The following ROBO2 variants were observed in gnomAD, a reference collection of about 807,000 sequenced individuals.
ROBO2 encodes the protein roundabout guidance receptor 2.
ROBO2 carries 53 observed loss-of-function variants against 160.8 expected under a neutral mutation model. The observed-to-expected ratio is 0.33, with a 90% CI of 0.26 to 0.41. The LOEUF (loss-of-function observed/expected upper bound fraction) is 0.41. ROBO2 is among the 10% of genes least tolerant of loss of function. The pLI, the probability that ROBO2 is intolerant of heterozygous loss-of-function variation, is 1.00. For missense variants in ROBO2, 1,577 were observed against 1,722.4 expected, an observed-to-expected ratio of 0.92 and a Z score of 1.49; for synonymous variants, 664 against 611.7, an observed-to-expected ratio of 1.09 and a Z score of -1.26.
chr3:77,016,724 C>T (rs574393789), intron 2 of ROBO2, among the ~76,000 whole-genome samples: 53 of 152,204 alleles, frequency 3.5e-4, no homozygotes, highest in Admixed American at 3.3e-3. Flanking sequence ...GAGCTTTGCC[C>T]GAGGCCACAC....
intron 24 of ROBO2, 49 bp from the exon 27 acceptor site, chr3:77,644,655 C>T (rs1238161830): frequency 6.5e-7 from 1 of 1,540,638 alleles, no homozygotes; most frequent in East Asian, 2.2e-5. Flanking sequence ...GTTTAGTTTG[C>T]CTCCATGTTT....
At chr3:76,784,838 C>T (rs2108648070) in intron 2 of ROBO2, among the ~76,000 whole-genome samples, 1 of 151,290 alleles carries the variant, frequency 6.6e-6, no homozygotes, top group East Asian at 2.0e-4. Flanking sequence ...TGTTGATTCC[C>T]TCAGTGTCCT....
chr3:76,926,252 G>T (rs1474917355), intron 2 of ROBO2, among the ~76,000 whole-genome samples: 6 of 152,066 alleles, frequency 3.9e-5, no homozygotes, highest in African/African-American at 1.2e-4. Context: ...TTATCTTTTT[G>T]TTAAGCATGG....
chr3:76,326,423 T>TAC (rs1312329370), intron 2 of ROBO2, among the ~76,000 whole-genome samples: 1 of 152,118 alleles, frequency 6.6e-6, no homozygotes, highest in African/African-American at 2.4e-5. Flanking sequence ...TGCATATATA[T>TAC]ACACACATAC....
chr3:77,014,985 A>G (rs2062148694), intron 2 of ROBO2, among the ~76,000 whole-genome samples: 1 of 152,140 alleles, frequency 6.6e-6, no homozygotes, highest in Admixed American at 6.6e-5. Context: ...TTAGGTTTGA[A>G]GACAGATGTT....
At chr3:76,665,991 ATATATAATATATAATATATACAT>A in intron 2 of ROBO2, among the ~76,000 whole-genome samples, 1 of 120,658 alleles carries the variant, frequency 8.3e-6, no homozygotes, top group Admixed American at 8.4e-5. Flanking sequence ...TACATGTAAT[ATATATAATATATAATATATACAT>A]ATTATATATT....
At chr3:75,930,458 T>C (rs1947487208) in intron 1 of ROBO2, among the ~76,000 whole-genome samples, 1 of 152,188 alleles carries the variant, frequency 6.6e-6, no homozygotes, top group Non-Finnish European at 1.5e-5. Flanking sequence ...AGTAGAACAA[T>C]TTATTTGTTT....
At chr3:76,939,686 A>G (rs1051082024) in intron 2 of ROBO2, among the ~76,000 whole-genome samples, 2 of 152,106 alleles carry the variant, frequency 1.3e-5, no homozygotes, top group Non-Finnish European at 2.9e-5. Flanking sequence ...TGGGGAGCTG[A>G]GGCAAGAGAA....
chr3:76,600,931 T>G (rs901305134), intron 2 of ROBO2, among the ~76,000 whole-genome samples: 4 of 152,048 alleles, frequency 2.6e-5, no homozygotes, highest in African/African-American at 9.7e-5. Flanking sequence ...AAAAGCAAGT[T>G]AGTTACTTCC....
At chr3:77,191,632 A>T (rs1369135023) in intron 2 of ROBO2, among the ~76,000 whole-genome samples, 1 of 152,222 alleles carries the variant, frequency 6.6e-6, no homozygotes, top group East Asian at 1.9e-4. Context: ...GCTACAAGTT[A>T]TGATTTAGTT....
chr3:77,001,213 T>C (rs2061320854), intron 2 of ROBO2, among the ~76,000 whole-genome samples: 1 of 152,178 alleles, frequency 6.6e-6, no homozygotes. Flanking sequence ...AGCTATTACT[T>C]TAAAGCAGAC....
exon 26 of ROBO2, chr3:77,649,027 A>C (rs912931685): frequency 6.6e-6 from 1 of 152,216 alleles, no homozygotes; most frequent in Non-Finnish European, 1.5e-5. Context: ...AAACTCAGGT[A>C]TGCCAGTGTA....
At chr3:77,607,065 T>C (rs775075205) in intron 20 of ROBO2, among the ~76,000 whole-genome samples, 10 of 152,218 alleles carry the variant, frequency 6.6e-5, no homozygotes, top group Non-Finnish European at 1.3e-4. Flanking sequence ...ATATGGCTCA[T>C]ATGCTGCTAG....
chr3:77,439,833 A>G (rs2079724414), intron 2 of ROBO2, among the ~76,000 whole-genome samples: 1 of 151,972 alleles, frequency 6.6e-6, no homozygotes, highest in Non-Finnish European at 1.5e-5. Flanking sequence ...AACATTTTAC[A>G]TTCTAACGTG....
intron 2 of ROBO2, among the ~76,000 whole-genome samples, chr3:75,979,063 C>T (rs570872539): frequency 6.6e-6 from 1 of 151,634 alleles, no homozygotes; most frequent in South Asian, 2.1e-4. Flanking sequence ...AAAACCGATG[C>T]ATATGTAAGA....
At chr3:77,342,784 G>A (rs569197027) in intron 2 of ROBO2, among the ~76,000 whole-genome samples, 35 of 152,206 alleles carry the variant, frequency 2.3e-4, no homozygotes, top group Admixed American at 2.1e-3. Flanking sequence ...GTTGGAGACC[G>A]TTTTACCTTA....
chr3:76,124,168 A>G (rs1002588564), intron 2 of ROBO2, among the ~76,000 whole-genome samples: 5 of 152,124 alleles, frequency 3.3e-5, no homozygotes, highest in African/African-American at 7.2e-5. Context: ...AAATTACCTA[A>G]TGAAAAAATT....
rs368544204 is a variant in ROBO2 at position 76,195,431 on chromosome 3, G to C, written c.109+257829G>C. 1.1e-3 allele frequency among the ~76,000 whole-genome samples: 174 copies of C among 152,268 alleles called. 7 individuals are homozygous for C. In the South Asian group the frequency reaches 0.034, roughly 30 times the overall value. The stretch of plus-strand genomic sequence containing the variant: ...ACATTAGGATCAAATATAAAGGATT[G>C]CCAATCCTTTAGGCAAAAAGAGGTG... On this transcript the variant is annotated intron_variant, in intron 2 of 26. Coordinates refer to the ROBO2 transcript ENST00000487694.
chr3:76,998,811 A>G (rs541190741), intron 2 of ROBO2, among the ~76,000 whole-genome samples: 2 of 152,286 alleles, frequency 1.3e-5, no homozygotes, highest in African/African-American at 4.8e-5. Context: ...ACCTTCTCAC[A>G]CACACTGCAG....
Sources: allele counts gnomAD v4.1 joint callset (sites outside exome capture counted in the v4.1 genomes callset), GRCh38; gene constraint gnomAD v4.1.1; transcripts MANE v1.5; gene names NCBI Gene and HGNC (gene_info 2026-07-23, HGNC 2026-07-21).